The following CELF2 variants were observed in gnomAD, a reference collection of about 807,000 sequenced individuals.
CELF2 encodes the protein CUGBP Elav-like family member 2, also known as CUG triplet repeat RNA-binding protein 2.
Under a neutral mutation model 62.6 loss-of-function variants are expected in CELF2, and 8 were observed. The ratio of observed to expected loss-of-function variants is 0.13; its 90% CI spans 0.07 to 0.23. The LOEUF (loss-of-function observed/expected upper bound fraction) is 0.23. Among genes scored for constraint, CELF2 ranks in the 10% least tolerant of loss-of-function variants. CELF2 has a pLI of 1.00. For synonymous variants in CELF2, 258 were observed against 250.0 expected (o/e 1.03, Z -0.30); for missense variants, 333 against 671.0 (o/e 0.50, Z 5.56).
At chr10:10,867,019 T>C (rs1197211368) in intron 1 of CELF2, among the ~76,000 whole-genome samples, 1 of 152,066 alleles carries the variant, frequency 6.6e-6, no homozygotes, top group Non-Finnish European at 1.5e-5. Flanking sequence ...TCTACATTGA[T>C]AAGAAATGGA....
At chr10:10,655,754 A>G in the CELF2 span, among the ~76,000 whole-genome samples, 4 of 133,330 alleles carry the variant, frequency 3.0e-5, no homozygotes, top group African/African-American at 1.1e-4. Context: ...CGTTAGACCT[A>G]AAACCATAAA....
At chr10:10,654,030 G>C in the CELF2 span, among the ~76,000 whole-genome samples, 1 of 150,892 alleles carries the variant, frequency 6.6e-6, no homozygotes, top group African/African-American at 2.4e-5. Context: ...AAATGATAAA[G>C]GGGATATCAC....
At chr10:11,283,816 G>A (rs1357262330) in intron 8 of CELF2, among the ~76,000 whole-genome samples, 1 of 151,552 alleles carries the variant, frequency 6.6e-6, no homozygotes, top group African/African-American at 2.4e-5. Flanking sequence ...TGGATGGGTG[G>A]ATGGTGGGTG....
At chr10:11,027,749 T>C (rs534145244) in intron 1 of CELF2, among the ~76,000 whole-genome samples, 10 of 152,316 alleles carry the variant, frequency 6.6e-5, no homozygotes, top group African/African-American at 2.4e-4. Flanking sequence ...GCCACTGTCT[T>C]ATGAGAATGC....
chr10:10,730,610 AAAG>A, the CELF2 span, among the ~76,000 whole-genome samples: 11 of 152,370 alleles, frequency 7.2e-5, no homozygotes, highest in East Asian at 1.7e-3. Flanking sequence ...TGCAGAGATG[AAAG>A]AAGGAAAGCT....
rs2985306 is a variant in CELF2, at chr10:11,038,166, G to A, written c.74+20003G>A. Among the ~76,000 whole-genome samples, 25 of 152,270 alleles carry A rather than the reference G, an allele frequency of 1.6e-4. No individual in the cohort carries two copies. The East Asian group carries it at 4.0e-3, about 25-fold the overall frequency. The stretch of plus-strand genomic sequence containing the variant: ...ACTGTTCCCTGGAGATGGCTGCCTC[G>A]GAGAGGACCCAGCCACACCAGCAAA... On this transcript the variant is annotated intron_variant, in intron 1 of 12. Transcript: ENST00000633077.
upstream of CELF2, among the ~76,000 whole-genome samples, chr10:11,015,715 T>C (rs913887548): frequency 1.1e-4 from 16 of 152,216 alleles, no homozygotes; most frequent in Admixed American, 8.5e-4. The surrounding 1 kb of genome is among the most constrained non-coding windows in gnomAD (Gnocchi z 4.8). Context: ...ACTTACATAC[T>C]ACTTCACCCT....
chr10:10,495,113 A>G, the CELF2 span, among the ~76,000 whole-genome samples: 76,731 of 128,664 alleles, frequency 0.6, 22,067 homozygotes, highest in Non-Finnish European at 0.69. Context: ...CGTCTCTACT[A>G]AAAAAAAAAT....
At chr10:11,052,167 C>T (rs1458772231) in intron 1 of CELF2, among the ~76,000 whole-genome samples, 1 of 152,108 alleles carries the variant, frequency 6.6e-6, no homozygotes, top group Non-Finnish European at 1.5e-5. Context: ...AATTCCTGGG[C>T]TCAAGCAATC....
the CELF2 span, among the ~76,000 whole-genome samples, chr10:10,591,691 G>A: frequency 1.3e-5 from 2 of 152,186 alleles, no homozygotes; most frequent in Non-Finnish European, 2.9e-5. Flanking sequence ...TAAGGAAACT[G>A]ACTTTGATTA....
intron 9 of CELF2, among the ~76,000 whole-genome samples, 178 bp downstream of exon 9, chr10:11,288,730 T>C (rs1284701746): frequency 6.6e-6 from 1 of 152,242 alleles, no homozygotes; most frequent in Non-Finnish European, 1.5e-5. Flanking sequence ...AGTTCGAATT[T>C]GTCTTTTATT....
intron 1 of CELF2, among the ~76,000 whole-genome samples, chr10:11,061,553 G>C (rs1232947845): frequency 6.6e-6 from 1 of 152,252 alleles, no homozygotes; most frequent in African/African-American, 2.4e-5. Context: ...AAATGAAACA[G>C]CCTGCTATTG....
At chr10:10,620,507 C>T in the CELF2 span, among the ~76,000 whole-genome samples, 1 of 151,404 alleles carries the variant, frequency 6.6e-6, no homozygotes, top group African/African-American at 2.4e-5. Context: ...CCATATGGCC[C>T]ACGAAGTGTA....
At chr10:11,094,549 A>G (rs1312623593) in intron 1 of CELF2, among the ~76,000 whole-genome samples, 4 of 152,242 alleles carry the variant, frequency 2.6e-5, no homozygotes, top group Non-Finnish European at 5.9e-5. Context: ...AGGCTTCCAT[A>G]GCAACCAGCT....
chr10:10,505,423 G>C, the CELF2 span, among the ~76,000 whole-genome samples: 1 of 152,054 alleles, frequency 6.6e-6, no homozygotes. Context: ...TCTCCACCAG[G>C]CTGCTTCTGA....
chr10:10,954,468 G>C (rs141885215), intron 2 of CELF2, among the ~76,000 whole-genome samples: 1 of 152,020 alleles, frequency 6.6e-6, no homozygotes, highest in South Asian at 2.1e-4. Context: ...GGCAGGTCCC[G>C]AACTCCTGAC....
At chr10:11,262,672 A>G (rs537495926) in intron 5 of CELF2, among the ~76,000 whole-genome samples, 74 of 152,322 alleles carry the variant, frequency 4.9e-4, no homozygotes, top group Non-Finnish European at 8.4e-4. Context: ...CCATCAGAGT[A>G]TTAATTCTTA....
rs145569455 is a variant in CELF2 at position 10,879,755 on chromosome 10, G to A, written c.54-40209G>A. On this transcript the variant is annotated intron_variant, in intron 1 of 13. Coordinates refer to the CELF2 transcript ENST00000636488. ...TCTCTCCAGCGCACCTTGCTATCCC[G>A]ACATCCTGTTCTTAATCCTTCTCTT... Among the ~76,000 whole-genome samples the A allele has an allele frequency of 2.6e-3, 397 of 152,174 alleles. 2 individuals carry two copies. Among genetic ancestry groups the A allele is most frequent in the African/African-American group, 9.1e-3 (376 of 41,534 alleles).
intron 4 of CELF2, among the ~76,000 whole-genome samples, chr10:11,257,117 A>G (rs1345095111): frequency 6.6e-6 from 1 of 152,072 alleles, no homozygotes; most frequent in Non-Finnish European, 1.5e-5. Flanking sequence ...GTGTCACGGG[A>G]AAGAGGTACT....
Sources: gnomAD v4.1 joint callset for allele counts (sites outside exome capture counted in the v4.1 genomes callset) on GRCh38, gnomAD v4.1.1 for gene constraint, Gnocchi (gnomAD v3.1) non-coding constraint, MANE v1.5 for transcripts, NCBI Gene and HGNC (gene_info 2026-07-23, HGNC 2026-07-21) for gene names.